Variants in MAP2K1 observed in about 807,000 individuals in gnomAD.
MAP2K1 encodes the protein dual specificity mitogen-activated protein kinase kinase 1.
Under a neutral mutation model 46.3 loss-of-function variants are expected in MAP2K1, and 16 were observed. The ratio of observed to expected loss-of-function variants is 0.35; its 90% CI spans 0.23 to 0.52. MAP2K1 has a LOEUF of 0.52. Ranked by LOEUF, MAP2K1 falls within the 20% of genes least tolerant of loss-of-function variation. The pLI, the probability that MAP2K1 is intolerant of heterozygous loss-of-function variation, is 0.94. For missense variants in MAP2K1, 263 were observed against 497.1 expected, an observed-to-expected ratio of 0.53 and a Z score of 4.48; for synonymous variants, 183 against 185.6, an observed-to-expected ratio of 0.99 and a Z score of 0.11.
intron 3 of MAP2K1, among the ~76,000 whole-genome samples, chr15:66,440,641 G>C (rs1381364217): frequency 6.6e-6 from 1 of 152,208 alleles, no homozygotes; most frequent in Non-Finnish European, 1.5e-5. Flanking sequence ...CAGAGTTAAT[G>C]GTTCTTGTGC....
intron 1 of MAP2K1, among the ~76,000 whole-genome samples, chr15:66,410,100 C>T (rs2093407587): frequency 6.6e-6 from 1 of 152,208 alleles, no homozygotes; most frequent in Admixed American, 6.5e-5. Flanking sequence ...TGGTGAAGAC[C>T]TGCATCCGGA....
At chr15:66,463,638 A>G (rs1892387770) in intron 5 of MAP2K1, among the ~76,000 whole-genome samples, 1 of 152,170 alleles carries the variant, frequency 6.6e-6, no homozygotes, top group South Asian at 2.1e-4. Context: ...GCCTGCCACT[A>G]CGCCCGGCTA....
chr15:66,449,795 G>A (rs1891987422), intron 5 of MAP2K1, among the ~76,000 whole-genome samples: 1 of 151,936 alleles, frequency 6.6e-6, no homozygotes, highest in Non-Finnish European at 1.5e-5. Flanking sequence ...GCAGGAGAAT[G>A]GCTTGAACCT....
intron 5 of MAP2K1, among the ~76,000 whole-genome samples, chr15:66,481,141 G>A (rs1892904226): frequency 1.3e-5 from 2 of 152,104 alleles, no homozygotes; most frequent in Non-Finnish European, 2.9e-5. Context: ...GGTTCCCCTT[G>A]ACTGGCAGGG....
At chr15:66,436,970 G>T in intron 3 of MAP2K1, 78 bp downstream of exon 3, 1 of 1,478,938 alleles carries the variant, frequency 6.8e-7, no homozygotes. Flanking sequence ...GGTCTGGGAG[G>T]TGACCAGCTA....
chr15:66,483,838 C>A (rs1172739914), intron 6 of MAP2K1, among the ~76,000 whole-genome samples: 1 of 150,672 alleles, frequency 6.6e-6, no homozygotes, highest in Non-Finnish European at 1.5e-5. Context: ...AGCCCTGCCT[C>A]CCAGGTTCAC....
intron 5 of MAP2K1, among the ~76,000 whole-genome samples, chr15:66,472,846 G>A (rs1165996004): frequency 6.6e-6 from 1 of 152,086 alleles, no homozygotes; most frequent in Non-Finnish European, 1.5e-5. Context: ...GTGGAGCCTG[G>A]GTCACATAAA....
intron 5 of MAP2K1, among the ~76,000 whole-genome samples, chr15:66,477,027 C>T (rs78483581): frequency 0.092 from 13,956 of 152,164 alleles, 638 homozygotes; most frequent in African/African-American, 0.11. Context: ...CAGGTGGCTT[C>T]TTGTGAGGCC....
At chr15:66,455,078 C>T (rs1006992242) in intron 5 of MAP2K1, among the ~76,000 whole-genome samples, 4 of 152,078 alleles carry the variant, frequency 2.6e-5, no homozygotes, top group African/African-American at 9.7e-5. Flanking sequence ...CTCTCCTAGC[C>T]TTATTTAGGG....
At chr15:66,431,043 G>A (rs2093473780) in intron 1 of MAP2K1, among the ~76,000 whole-genome samples, 1 of 152,206 alleles carries the variant, frequency 6.6e-6, no homozygotes, top group African/African-American at 2.4e-5. Context: ...ATGTGATGGA[G>A]GTTGGAGCCG....
At chr15:66,447,456 C>T (rs770990976) in intron 5 of MAP2K1, among the ~76,000 whole-genome samples, 3 of 150,982 alleles carry the variant, frequency 2.0e-5, no homozygotes, top group Admixed American at 6.6e-5. Context: ...TTTGGGAGGC[C>T]GAGGCGGGCG....
At chr15:66,444,800 A>T (rs770932517) in intron 5 of MAP2K1, 93 bp downstream of exon 5, 15 of 1,068,824 alleles carry the variant, frequency 1.4e-5, no homozygotes, top group Non-Finnish European at 2.0e-5. Flanking sequence ...GTTTTCGTGT[A>T]AAAGCCTTTT....
chr15:66,461,757 C>T (rs1892329242), intron 5 of MAP2K1, among the ~76,000 whole-genome samples: 2 of 152,130 alleles, frequency 1.3e-5, no homozygotes, highest in Non-Finnish European at 2.9e-5. Context: ...ACCAAGTGAC[C>T]TCCGAGCCAC....
In MAP2K1 at chr15:66,437,591, T is replaced by G. The variant is rs78712248; in HGVS notation, c.438+699T>G. On this transcript the variant is annotated intron_variant, in intron 3 of 10. Transcript: ENST00000307102. ...TGCTTTCAGTCCAGTATTGTGTCTCTCAGCTCCTACCCCATTTTATTCCTG... is the reference window on the plus strand; with the variant it reads ...TGCTTTCAGTCCAGTATTGTGTCTCGCAGCTCCTACCCCATTTTATTCCTG... Among the ~76,000 whole-genome samples, 498 of 152,330 alleles carry G rather than the reference T, an allele frequency of 3.3e-3. 2 individuals carry two copies. Among genetic ancestry groups the G allele is most frequent in the African/African-American group, 0.011 (477 of 41,572 alleles).
intron 5 of MAP2K1, among the ~76,000 whole-genome samples, chr15:66,445,219 C>T (rs1256312707): frequency 6.6e-6 from 1 of 151,870 alleles, no homozygotes; most frequent in African/African-American, 2.4e-5. Context: ...GTGAAACCCC[C>T]CTCTACTAAA....
At chr15:66,387,814 G>C (rs116395341) in intron 1 of MAP2K1, among the ~76,000 whole-genome samples, 142 of 152,326 alleles carry the variant, frequency 9.3e-4, no homozygotes, top group African/African-American at 3.3e-3. Flanking sequence ...AAAGAATTAA[G>C]ATCGCATCTG....
At chr15:66,481,604 A>C in intron 5 of MAP2K1, 151 bp from the exon 6 acceptor site, 1 of 802,742 alleles carries the variant, frequency 1.2e-6, no homozygotes, top group Non-Finnish European at 2.1e-6. Flanking sequence ...CTTGGTGTAC[A>C]GTGTTTGCAA....
intron 5 of MAP2K1, among the ~76,000 whole-genome samples, chr15:66,475,848 C>G (rs768641817): frequency 6.6e-6 from 1 of 152,150 alleles, no homozygotes; most frequent in Non-Finnish European, 1.5e-5. Context: ...ATCCCTGTGT[C>G]CTTTTTACTC....
intron 1 of MAP2K1, among the ~76,000 whole-genome samples, chr15:66,418,945 C>CTTT (rs753511565): frequency 7.9e-5 from 7 of 88,886 alleles, no homozygotes; most frequent in East Asian, 3.4e-4. Context: ...TGTGCCCGGC[C>CTTT]TTTTTTTTTT....
Sources: allele counts gnomAD v4.1 joint callset (sites outside exome capture counted in the v4.1 genomes callset), GRCh38; gene constraint gnomAD v4.1.1; transcripts MANE v1.5; gene names NCBI Gene and HGNC (gene_info 2026-07-23, HGNC 2026-07-21).